Variants in ZMYM2 observed in about 807,000 individuals in gnomAD.
The protein encoded by ZMYM2 is zinc finger MYM-type protein 2.
Under a neutral mutation model 162.8 loss-of-function variants are expected in ZMYM2, and 56 were observed. The ratio of observed to expected loss-of-function variants is 0.34; its 90% CI spans 0.28 to 0.43. The LOEUF (loss-of-function observed/expected upper bound fraction) is 0.43. ZMYM2 is among the 20% of genes least tolerant of loss of function. The pLI, the probability that ZMYM2 is intolerant of heterozygous loss-of-function variation, is 1.00. For synonymous variants in ZMYM2, 510 were observed against 541.6 expected (o/e 0.94, Z 0.81); for missense variants, 1,275 against 1,621.8 (o/e 0.79, Z 3.67).
At chr13:19,937,425 A>C in the ZMYM2 span, among the ~76,000 whole-genome samples, 1 of 148,960 alleles carries the variant, frequency 6.7e-6, no homozygotes, top group South Asian at 2.1e-4. Context: ...GGCATGAGCC[A>C]CTGCGCCCGG....
intron 2 of ZMYM2, among the ~76,000 whole-genome samples, chr13:19,976,267 G>T (rs1228050490): frequency 1.3e-5 from 2 of 151,348 alleles, no homozygotes; most frequent in Non-Finnish European, 1.5e-5. Context: ...GGCAGAGGTT[G>T]CAGTGAGCCA....
rs187442088 is a variant in ZMYM2 at position 20,057,598 on chromosome 13, C to T, written c.2494-977C>T. Among the ~76,000 whole-genome samples, 201 of 152,272 alleles carry T rather than the reference C, an allele frequency of 1.3e-3. 1 individual carries two copies. The highest frequency in any genetic ancestry group is 1.3e-3 in the East Asian group (7 of 5,192). On this transcript the variant is annotated intron_variant, in intron 14 of 24. Coordinates refer to ENST00000610343, the MANE Select transcript of ZMYM2 (RefSeq NM_197968.4). ...ACAGTGTGCATGTGCTGTGTGAGTG[C>T]TGTACAGTATGCGTGTGCATTATAT...
chr13:20,042,935 A>G (rs259798), intron 12 of ZMYM2, among the ~76,000 whole-genome samples: 15,619 of 151,874 alleles, frequency 0.1, 1,310 homozygotes, highest in African/African-American at 0.22. Flanking sequence ...TGTTGGCCAA[A>G]CTGGTCTCGA....
At chr13:20,045,033 G>A (rs1954632034) in intron 12 of ZMYM2, among the ~76,000 whole-genome samples, 1 of 120,820 alleles carries the variant, frequency 8.3e-6, no homozygotes, top group Non-Finnish European at 1.6e-5. Context: ...CCGGGCGACA[G>A]AGCAAGACTC....
the ZMYM2 span, among the ~76,000 whole-genome samples, chr13:19,936,854 AAATATACCAAAT>A: frequency 6.6e-6 from 1 of 152,120 alleles, no homozygotes; most frequent in African/African-American, 2.4e-5. Flanking sequence ...AGATTTACTA[AAATATACCAAAT>A]GAGTTGATGA....
At chr13:19,892,428 C>T in the ZMYM2 span, among the ~76,000 whole-genome samples, 2 of 151,686 alleles carry the variant, frequency 1.3e-5, no homozygotes, top group South Asian at 2.1e-4. Flanking sequence ...CCCACCGCCA[C>T]GCCCAGCTAA....
At chr13:19,937,212 T>C in the ZMYM2 span, among the ~76,000 whole-genome samples, 1 of 152,104 alleles carries the variant, frequency 6.6e-6, no homozygotes, top group Non-Finnish European at 1.5e-5. Context: ...GCAATGGCAC[T>C]ATCTTGGCCC....
intron 21 of ZMYM2, among the ~76,000 whole-genome samples, chr13:20,073,268 A>G (rs1260184018): frequency 6.6e-6 from 1 of 152,228 alleles, no homozygotes; most frequent in Non-Finnish European, 1.5e-5. Context: ...AAAGGGCAAG[A>G]TAGTAAATAA....
chr13:19,977,977 T>C (rs1342710153), intron 2 of ZMYM2, among the ~76,000 whole-genome samples: 1 of 147,694 alleles, frequency 6.8e-6, no homozygotes, highest in Non-Finnish European at 1.5e-5. Flanking sequence ...CCCGGGTTCA[T>C]GCCATTATCC....
chr13:19,927,012 A>G, the ZMYM2 span, among the ~76,000 whole-genome samples: 1 of 152,246 alleles, frequency 6.6e-6, no homozygotes, highest in South Asian at 2.1e-4. Flanking sequence ...AAAATTTTCT[A>G]TTTCTTCTTG....
chr13:19,910,905 G>T, the ZMYM2 span, among the ~76,000 whole-genome samples: 5 of 152,144 alleles, frequency 3.3e-5, no homozygotes, highest in African/African-American at 1.2e-4. Flanking sequence ...GTTAACCACA[G>T]TGTTCTAGGA....
At chr13:19,962,510 TATATA>T (rs1395576256) in intron 2 of ZMYM2, among the ~76,000 whole-genome samples, 1 of 60,628 alleles carries the variant, frequency 1.6e-5, no homozygotes, top group African/African-American at 6.0e-5. Context: ...TATATATATA[TATATA>T]TTTTTTTTTT....
In ZMYM2 at chr13:19,993,806, C is replaced by A. The variant is rs2139748463; in HGVS notation, c.734C>A (p.Thr245Asn). ...SNFGVNIQTY[T>N]PSLTSQTKTG... Reference sequence around the variant, plus strand: ...TTTGGTGTTAATATACAAACATACACCCCATCTTTAACTTCACAGACCAAG... The same window carrying A: ...TTTGGTGTTAATATACAAACATACAACCCATCTTTAACTTCACAGACCAAG... Residue 245 changes from threonine (T) to asparagine (N), a missense_variant, in exon 3 of 25, where the codon ACC becomes AAC. By Grantham distance (65) the Thr-to-Asn change is moderately conservative. Around this residue, in one of 10 missense-constraint regions of ZMYM2, gnomAD observed 295 missense variants for 286.7 expected, o/e 1.03. Coordinates refer to ENST00000610343, the MANE Select transcript of ZMYM2 (RefSeq NM_197968.4). 6.2e-7 allele frequency: 1 copy of A among 1,614,150 alleles called. No homozygotes were observed. Among genetic ancestry groups the A allele is most frequent in the East Asian group, 2.2e-5 (1 of 44,868 alleles).
chr13:19,969,409 G>A (rs1432736286), intron 2 of ZMYM2, among the ~76,000 whole-genome samples: 1 of 152,190 alleles, frequency 6.6e-6, no homozygotes, highest in Non-Finnish European at 1.5e-5. Context: ...TGCCGTAGGA[G>A]ATTTACTTGA....
At chr13:19,957,170 T>A (rs1156521772), upstream of ZMYM2, among the ~76,000 whole-genome samples, 4 of 152,188 alleles carry the variant, frequency 2.6e-5, no homozygotes, top group Admixed American at 1.3e-4. Flanking sequence ...GTGAATGAAT[T>A]CAACTTCTAC....
chr13:19,881,573 G>A, the ZMYM2 span, among the ~76,000 whole-genome samples: 2 of 152,032 alleles, frequency 1.3e-5, no homozygotes, highest in Non-Finnish European at 1.5e-5. Context: ...AGTGAGCTGA[G>A]ATGTTGCCAC....
chr13:20,082,303 A>G (rs1021188430), intron 22 of ZMYM2, among the ~76,000 whole-genome samples, 173 bp downstream of exon 22: 3 of 152,196 alleles, frequency 2.0e-5, no homozygotes, highest in Non-Finnish European at 4.4e-5. Context: ...AATGTGGTCA[A>G]TAACTAGTGT....
In ZMYM2 at chr13:20,032,803, T is replaced by A. The variant is rs570125768; in HGVS notation, c.1968+1368T>A. ...TTTGTATTTTTAGTAGAGATGGGGT[T>A]TCACCATGTTGGCCAGGCTGGTCTT... On this transcript the variant is annotated intron_variant, in intron 10 of 24. Coordinates refer to ENST00000610343, the MANE Select transcript of ZMYM2 (RefSeq NM_197968.4). Among the ~76,000 whole-genome samples, 226 of 152,000 alleles carry A rather than the reference T, an allele frequency of 1.5e-3. 1 individual carries two copies. Among genetic ancestry groups the A allele is most frequent in the African/African-American group, 5.1e-3 (211 of 41,468 alleles).
chr13:20,011,573 G>GTTTTTTTTTTTTTTTTTTT (rs764404253), intron 6 of ZMYM2, among the ~76,000 whole-genome samples: 9 of 144,258 alleles, frequency 6.2e-5, no homozygotes, highest in African/African-American at 1.8e-4. Flanking sequence ...TTATTTTTTT[G>GTTTTTTTTTTTTTTTTTTT]TTTTATTTTT....
Sources: allele counts gnomAD v4.1 joint callset (sites outside exome capture counted in the v4.1 genomes callset), GRCh38; gene constraint gnomAD v4.1.1; regional missense constraint gnomAD v4.1.1; transcripts MANE v1.5; gene names NCBI Gene and HGNC (gene_info 2026-07-23, HGNC 2026-07-21).